Variants in ASTN2 observed in about 807,000 individuals in gnomAD.
The protein encoded by ASTN2 is astrotactin 2, also known as astrotactin-2.
Under a neutral mutation model 139.8 loss-of-function variants are expected in ASTN2, and 54 were observed. The ratio of observed to expected loss-of-function variants is 0.39; its 90% CI spans 0.31 to 0.48. The LOEUF is 0.48. Ranked by LOEUF, ASTN2 falls within the 20% of genes least tolerant of loss-of-function variation. The pLI, the probability that ASTN2 is intolerant of heterozygous loss-of-function variation, is 0.95. For missense variants in ASTN2, 1,565 were observed against 1,725.1 expected (o/e 0.91, Z 1.64); for synonymous variants, 756 against 719.5 (o/e 1.05, Z -0.81).
In ASTN2 at chr9:117,106,770, A is replaced by AATATC. The variant is rs1554779044; in HGVS notation, c.1169-10620_1169-10619insGATAT. Among the ~76,000 whole-genome samples, 4 of 152,040 alleles carry AATATC rather than the reference A, an allele frequency of 2.6e-5. No homozygotes were observed. In the East Asian group the frequency reaches 7.8e-4, roughly 30 times the overall value. On this transcript the variant is annotated intron_variant, in intron 4 of 22. Coordinates refer to ENST00000313400, the MANE Select transcript of ASTN2 (RefSeq NM_001365068.1). ...GCATATCCTGTGAATTTTGTAAAAA[A>AATATC]TATCTATCTATCTATCTATCTGTCT...
At chr9:116,457,222 C>T (rs1287400566) in intron 20 of ASTN2, among the ~76,000 whole-genome samples, 1 of 152,124 alleles carries the variant, frequency 6.6e-6, no homozygotes, top group Non-Finnish European at 1.5e-5. Context: ...AAAAAAGTTA[C>T]ATCTAAGACC....
At chr9:116,461,359 T>G (rs1249776544) in intron 20 of ASTN2, among the ~76,000 whole-genome samples, 14 of 152,060 alleles carry the variant, frequency 9.2e-5, no homozygotes. Flanking sequence ...TAGTAGGACC[T>G]CAAAAACTGT....
At chr9:116,832,905 C>A (rs932940833) in intron 11 of ASTN2, among the ~76,000 whole-genome samples, 14 of 149,726 alleles carry the variant, frequency 9.4e-5, no homozygotes, top group African/African-American at 3.5e-4. Flanking sequence ...AGTATTCTCT[C>A]TTCTTTAATT....
At chr9:117,374,552 G>C (rs187435224) in intron 1 of ASTN2, among the ~76,000 whole-genome samples, 2 of 151,948 alleles carry the variant, frequency 1.3e-5, no homozygotes, top group African/African-American at 2.4e-5. Context: ...TAGCTGCAAG[G>C]CTTGAAAATT....
At chr9:117,249,576 G>A (rs1305159928) in intron 2 of ASTN2, among the ~76,000 whole-genome samples, 2 of 152,044 alleles carry the variant, frequency 1.3e-5, no homozygotes, top group African/African-American at 4.8e-5. Context: ...TAAGCATGAC[G>A]ATCGAAGGCC....
At chr9:116,696,070 TCTC>T (rs1317460581) in intron 16 of ASTN2, among the ~76,000 whole-genome samples, 1 of 152,170 alleles carries the variant, frequency 6.6e-6, no homozygotes, top group East Asian at 1.9e-4. Context: ...ATCCCCGTCT[TCTC>T]TGATGTTTCC....
At chr9:116,633,478 T>C (rs1012732415) in intron 17 of ASTN2, among the ~76,000 whole-genome samples, 2 of 152,178 alleles carry the variant, frequency 1.3e-5, no homozygotes, top group African/African-American at 2.4e-5. Flanking sequence ...ACAAGACCTG[T>C]CTTCTAAGCC....
chr9:117,346,983 T>C (rs144913160), intron 1 of ASTN2, among the ~76,000 whole-genome samples: 1 of 152,222 alleles, frequency 6.6e-6, no homozygotes, highest in East Asian at 1.9e-4. Context: ...TTGTTAATTA[T>C]CATTAAATTA....
chr9:116,576,148 C>T (rs932042499), intron 19 of ASTN2, among the ~76,000 whole-genome samples: 1 of 152,110 alleles, frequency 6.6e-6, no homozygotes, highest in African/African-American at 2.4e-5. Context: ...ATCCAGGAGG[C>T]CGGTGTGGAG....
rs1214032860 is a variant in ASTN2 at position 117,153,374 on chromosome 9, ATTCTATCCTCCT to A, written c.1016-11908_1016-11897del. ...GCCTGTGAGATGAGAACAACACTTC[ATTCTATCCTCCT>A]TTCTATCCTCAGAACTAATCAATAT... On this transcript the variant is annotated intron_variant, in intron 3 of 22. Coordinates refer to ENST00000313400, the MANE Select transcript of ASTN2 (RefSeq NM_001365068.1). 2.0e-5 allele frequency among the ~76,000 whole-genome samples: 3 copies of A among 152,258 alleles called. No individual in the cohort carries two copies. In the East Asian group the frequency reaches 5.8e-4, roughly 30 times the overall value.
intron 19 of ASTN2, among the ~76,000 whole-genome samples, chr9:116,573,578 G>A (rs56232900): frequency 0.16 from 24,584 of 152,180 alleles, 2,176 homozygotes; most frequent in African/African-American, 0.22. Context: ...ACCCCAAGTA[G>A]CATAATTCAG....
chr9:117,007,793 C>A (rs1431751506), intron 7 of ASTN2, among the ~76,000 whole-genome samples: 1 of 151,958 alleles, frequency 6.6e-6, no homozygotes, highest in Non-Finnish European at 1.5e-5. Context: ...CAGCTAGTAC[C>A]AAGAAGATAG....
At chr9:117,137,560 A>C (rs562767041) in intron 4 of ASTN2, among the ~76,000 whole-genome samples, 2 of 152,326 alleles carry the variant, frequency 1.3e-5, no homozygotes, top group South Asian at 4.2e-4. Flanking sequence ...CAATGGGAGA[A>C]ATAAGAGTTT....
chr9:116,521,311 T>C (rs945281443), intron 19 of ASTN2, among the ~76,000 whole-genome samples: 1 of 151,682 alleles, frequency 6.6e-6, no homozygotes, highest in East Asian at 1.9e-4. Context: ...TATAGACAAA[T>C]GGAATGGAAA....
intron 22 of ASTN2, among the ~76,000 whole-genome samples, chr9:116,429,652 A>G (rs1455578828): frequency 6.6e-6 from 1 of 152,200 alleles, no homozygotes; most frequent in Admixed American, 6.5e-5. Flanking sequence ...CATCATCATT[A>G]TTACATCATT....
Position 117,155,375 on chromosome 9 carries a change from A to T in ASTN2, c.1016-13897T>A, listed in dbSNP as rs559712331. On this transcript the variant is annotated intron_variant, in intron 3 of 22. Transcript: ENST00000313400. ...GATGTTTTTTGGTGAAATAATAGAG[A>T]TCCATCCTAGGGAGCCATTTGCACA... Among the ~76,000 whole-genome samples, 18 of 152,080 alleles carry T rather than the reference A, an allele frequency of 1.2e-4. No homozygotes were observed. In the South Asian group the frequency reaches 3.5e-3, roughly 30 times the overall value.
intron 5 of ASTN2, among the ~76,000 whole-genome samples, chr9:117,050,031 G>C (rs1587904221): frequency 6.6e-6 from 1 of 152,122 alleles, no homozygotes; most frequent in Non-Finnish European, 1.5e-5. Context: ...TCAATCGACT[G>C]GTGCTGACTT....
chr9:116,986,563 C>A (rs1836689228), intron 7 of ASTN2, among the ~76,000 whole-genome samples: 1 of 152,110 alleles, frequency 6.6e-6, no homozygotes, highest in Admixed American at 6.5e-5. Flanking sequence ...GGGAGGGTAA[C>A]AATAAGAGAA....
At chr9:117,261,041 T>A (rs1833811210) in intron 2 of ASTN2, among the ~76,000 whole-genome samples, 1 of 152,200 alleles carries the variant, frequency 6.6e-6, no homozygotes, top group African/African-American at 2.4e-5. Flanking sequence ...GCTCAGTACA[T>A]GTATCTGATA....
Sources: allele counts gnomAD v4.1 joint callset (sites outside exome capture counted in the v4.1 genomes callset), GRCh38; gene constraint gnomAD v4.1.1; transcripts MANE v1.5; gene names NCBI Gene and HGNC (gene_info 2026-07-23, HGNC 2026-07-21).